PON3: variants seen among roughly 807,000 people sequenced by gnomAD.
The protein encoded by PON3 is serum paraoxonase/lactonase 3.
PON3 carries 37 observed loss-of-function variants against 36.3 expected under a neutral mutation model. The ratio of observed to expected loss-of-function variants is 1.02; its 90% CI spans 0.78 to 1.34. PON3 has a LOEUF of 1.34. Ranked by LOEUF, PON3 falls within the 40% of genes most tolerant of loss-of-function variation. The pLI is 0.00. For synonymous variants in PON3, 155 were observed against 154.8 expected, an observed-to-expected ratio of 1.00 and a Z score of -0.01; for missense variants, 415 against 426.5, an observed-to-expected ratio of 0.97 and a Z score of 0.24.
At chr7:95,374,205 T>A (rs547717265) in intron 3 of PON3, among the ~76,000 whole-genome samples, 2 of 152,302 alleles carry the variant, frequency 1.3e-5, no homozygotes, top group East Asian at 3.9e-4. Context: ...TTATTATGAG[T>A]GGATGACTTT....
chr7:95,378,514 G>A (rs1272262719), intron 3 of PON3, among the ~76,000 whole-genome samples: 1 of 152,146 alleles, frequency 6.6e-6, no homozygotes, highest in African/African-American at 2.4e-5. Context: ...GAAAGGCTGG[G>A]TTACCCACAA....
chr7:95,362,948 T>A, intron 6 of PON3, 107 bp from the exon 7 acceptor site: 1 of 765,532 alleles, frequency 1.3e-6, no homozygotes. Flanking sequence ...AAAGTACCAC[T>A]GCAATCCTTT....
chr7:95,386,781 T>A (rs1226311745), intron 3 of PON3, among the ~76,000 whole-genome samples: 5 of 152,146 alleles, frequency 3.3e-5, no homozygotes, highest in Non-Finnish European at 7.3e-5. Flanking sequence ...AAAAAGCTTA[T>A]CCACCATGAT....
chr7:95,367,883 G>A (rs915326263), intron 4 of PON3, among the ~76,000 whole-genome samples: 1 of 152,190 alleles, frequency 6.6e-6, no homozygotes, highest in African/African-American at 2.4e-5. Context: ...GAGATGTTGT[G>A]TGTGTACAAT....
intron 3 of PON3, among the ~76,000 whole-genome samples, chr7:95,379,785 T>G (rs1441622019): frequency 6.6e-6 from 1 of 152,204 alleles, no homozygotes; most frequent in African/African-American, 2.4e-5. Flanking sequence ...GGGCAGGGCA[T>G]AGCCGAACAA....
chr7:95,387,207 C>A (rs1477348378), intron 3 of PON3, among the ~76,000 whole-genome samples: 1 of 152,154 alleles, frequency 6.6e-6, no homozygotes, highest in Non-Finnish European at 1.5e-5. Context: ...TCTCTGTCTG[C>A]AGATGACATG....
chr7:95,396,197 G>A, intron 1 of PON3, 80 bp downstream of exon 1: 4 of 1,466,894 alleles, frequency 2.7e-6, no homozygotes, highest in Non-Finnish European at 3.8e-6. Context: ...CCGCTAGGAA[G>A]GGGGCGCCAG....
chr7:95,393,714 G>C (rs1809368868), intron 2 of PON3, among the ~76,000 whole-genome samples: 1 of 152,140 alleles, frequency 6.6e-6, no homozygotes, highest in African/African-American at 2.4e-5. Flanking sequence ...CTGGTTGTGG[G>C]TGGGAGGATG....
intron 3 of PON3, among the ~76,000 whole-genome samples, chr7:95,383,873 C>A (rs897583361): frequency 6.6e-6 from 1 of 152,084 alleles, no homozygotes; most frequent in African/African-American, 2.4e-5. Context: ...CATGTGGAAC[C>A]AAAAATGAGC....
intron 3 of PON3, among the ~76,000 whole-genome samples, chr7:95,386,902 A>G (rs1342120651): frequency 6.6e-6 from 1 of 152,346 alleles, no homozygotes; most frequent in East Asian, 1.9e-4. Flanking sequence ...TTATCTCAAT[A>G]GATGCAGAAA....
intron 3 of PON3, among the ~76,000 whole-genome samples, chr7:95,387,187 T>C (rs1179904285): frequency 2.0e-5 from 3 of 152,054 alleles, no homozygotes; most frequent in African/African-American, 4.8e-5. Flanking sequence ...GAAAAGAGGA[T>C]GGCAAATTGT....
rs948395434 is a variant in PON3 at position 95,362,796 on chromosome 7, C to T, written c.741G>A (p.Met247Ile). The change falls in exon 7 of 9, where the codon ATG (methionine) becomes ATA (isoleucine). Residue 247 changes from methionine (M) to isoleucine (I), a missense_variant. By Grantham distance (10) the Met-to-Ile change is conservative (BLOSUM62 1). Coordinates refer to ENST00000265627, the MANE Select transcript of PON3 (RefSeq NM_000940.3). ...TTAAATCCCAGTTATCATGTTTTTC[C>T]ATTATGTGAATGTTCTTAGCTGCTA... ...ADVAAKNIHI[M>I]EKHDNWDLTQ... 3 of 1,611,892 alleles carry T rather than the reference C, an allele frequency of 1.9e-6. No individual in the cohort carries two copies. Among genetic ancestry groups the T allele is most frequent in the African/African-American group, 2.7e-5 (2 of 74,808 alleles).
chr7:95,360,218 A>G (rs556442148), intron 8 of PON3, 87 bp from the exon 9 acceptor site: 3 of 1,306,758 alleles, frequency 2.3e-6, no homozygotes, highest in African/African-American at 1.5e-5. Flanking sequence ...GGATAAATCT[A>G]TTTTTCAGAA....
In PON3 at chr7:95,365,000, T is replaced by G. The variant is rs374656610; in HGVS notation, c.495-937A>C. On this transcript the variant is annotated intron_variant, in intron 5 of 8. Coordinates refer to ENST00000265627, the MANE Select transcript of PON3 (RefSeq NM_000940.3). ...GGTGAATCAGGAAATACTTTGAAGT[T>G]TTGACATATAATGACTTTCCCAAGG... is the stretch of plus-strand genomic sequence containing the variant. 43 of 152,276 alleles carry G rather than the reference T, an allele frequency of 2.8e-4. 1 individual carries two copies. Among genetic ancestry groups the G allele is most frequent in the African/African-American group, 1.0e-3 (42 of 41,554 alleles). 9.4% of individuals were successfully genotyped at this position (152,276 alleles called of 1,614,324 possible). A position where few individuals can be genotyped will look rare whatever the true frequency, so the allele number is the denominator to read the frequency against.
chr7:95,369,316 G>A (rs1808760176), intron 4 of PON3, among the ~76,000 whole-genome samples: 1 of 152,122 alleles, frequency 6.6e-6, no homozygotes, highest in African/African-American at 2.4e-5. Flanking sequence ...AAACAAGGAG[G>A]AAAAATTATT....
chr7:95,362,744 G>A lies in PON3; in HGVS notation c.777+16C>T. 6.3e-7 allele frequency: 1 copy of A among 1,585,120 alleles called. No homozygotes were observed. The highest frequency in any genetic ancestry group is 2.2e-5 in the East Asian group (1 of 44,728). ...GTAAGAAGTCAGATTGTGTGGGCCA[G>A]ACAGGGTACTCTTACCTTCAGTTGA... On this transcript the variant is annotated intron_variant, in intron 7 of 8. Coordinates refer to ENST00000265627, the MANE Select transcript of PON3 (RefSeq NM_000940.3).
chr7:95,381,019 C>T (rs1374083259), intron 3 of PON3, among the ~76,000 whole-genome samples: 5 of 152,208 alleles, frequency 3.3e-5, no homozygotes, highest in African/African-American at 1.2e-4. Context: ...AGAAACTCTA[C>T]AAGCCAGAAG....
Position 95,366,681 on chromosome 7 carries a change from T to C in PON3, c.494+681A>G, listed in dbSNP as rs1280886136. Among the ~76,000 whole-genome samples, 7 of 152,218 alleles carry C rather than the reference T, an allele frequency of 4.6e-5. No individual in the cohort carries two copies. The South Asian group carries it at 6.2e-4, about 13-fold the overall frequency. On this transcript the variant is annotated intron_variant, in intron 5 of 8. Coordinates refer to ENST00000265627, the MANE Select transcript of PON3 (RefSeq NM_000940.3). The stretch of plus-strand genomic sequence containing the variant: ...ATGAATGCAGTAAGAAAGATGTTCA[T>C]TGCAATTGAGAGCTCAGCTTTGAAT...
At chr7:95,376,301 C>T (rs1396829374) in intron 3 of PON3, among the ~76,000 whole-genome samples, 2 of 152,102 alleles carry the variant, frequency 1.3e-5, no homozygotes, top group Non-Finnish European at 2.9e-5. Flanking sequence ...ATGTCAAGTC[C>T]CAAGGCAGGG....
Sources: allele counts gnomAD v4.1 joint callset (sites outside exome capture counted in the v4.1 genomes callset), GRCh38; gene constraint gnomAD v4.1.1; transcripts MANE v1.5; gene names NCBI Gene and HGNC (gene_info 2026-07-23, HGNC 2026-07-21).